DLGAP2: variants seen among roughly 807,000 people sequenced by gnomAD.
The protein encoded by DLGAP2 is disks large-associated protein 2.
In DLGAP2, 26 loss-of-function variants were observed where a neutral mutation model predicts 100.3. The ratio of observed to expected loss-of-function variants is 0.26; its 90% CI spans 0.19 to 0.36. DLGAP2 has a LOEUF of 0.36. Among genes scored for constraint, DLGAP2 ranks in the 10% least tolerant of loss-of-function variants. The pLI is 1.00. For missense variants in DLGAP2, 1,858 were observed against 1,453.2 expected (o/e 1.28, Z -4.53); for synonymous variants, 886 against 630.1 (o/e 1.41, Z -6.08).
chr8:1,424,309 T>G (rs1200956441), intron 3 of DLGAP2, among the ~76,000 whole-genome samples: 1 of 152,204 alleles, frequency 6.6e-6, no homozygotes, highest in Non-Finnish European at 1.5e-5. Context: ...AACAGAGACT[T>G]ATTAAGACGT....
chr8:1,163,198 C>T (rs1371103524), intron 2 of DLGAP2, among the ~76,000 whole-genome samples: 1 of 152,238 alleles, frequency 6.6e-6, no homozygotes, highest in African/African-American at 2.4e-5. Context: ...ACTGACGTGT[C>T]TGTGCCAGTG....
At chr8:1,259,059 G>A (rs940921952) in intron 3 of DLGAP2, among the ~76,000 whole-genome samples, 176 bp downstream of exon 3, 2 of 152,242 alleles carry the variant, frequency 1.3e-5, no homozygotes, top group Non-Finnish European at 2.9e-5. Context: ...CAAGGTGAGC[G>A]TTAGGACTCA....
chr8:825,995 C>G (rs1374374865), intron 1 of DLGAP2, among the ~76,000 whole-genome samples: 1 of 150,022 alleles, frequency 6.7e-6, no homozygotes, highest in East Asian at 2.0e-4. Flanking sequence ...CCTCCACTAC[C>G]CTGGGAACCG....
chr8:1,119,137 G>C (rs545597829), intron 2 of DLGAP2, among the ~76,000 whole-genome samples: 1 of 152,192 alleles, frequency 6.6e-6, no homozygotes, highest in African/African-American at 2.4e-5. Flanking sequence ...CTGATTTGCA[G>C]TTTGGCCCAT....
At chr8:1,318,228 A>G (rs1374822049) in intron 3 of DLGAP2, among the ~76,000 whole-genome samples, 1 of 152,210 alleles carries the variant, frequency 6.6e-6, no homozygotes, top group Non-Finnish European at 1.5e-5. Flanking sequence ...GCAACTCTTG[A>G]AGGGTCCTGT....
chr8:1,681,449 A>T (rs953219079), intron 12 of DLGAP2, among the ~76,000 whole-genome samples: 2 of 152,086 alleles, frequency 1.3e-5, no homozygotes, highest in African/African-American at 4.8e-5. Context: ...CCTGGACAAC[A>T]CAGTGAGACC....
rs559947048 is a variant in DLGAP2 at position 743,779 on chromosome 8, A to G, written c.18+5954A>G. Among the ~76,000 whole-genome samples, 11 of 152,308 alleles carry G rather than the reference A, an allele frequency of 7.2e-5. No individual in the cohort carries two copies. In the South Asian group the frequency reaches 2.3e-3, roughly 32 times the overall value. ...GGGGTTTCACCATGTTGTCCAGACTAGACTCTGACTCCTGGGCTCTAGCCA... is the reference window on the plus strand; with the variant it reads ...GGGGTTTCACCATGTTGTCCAGACTGGACTCTGACTCCTGGGCTCTAGCCA... On this transcript the variant is annotated intron_variant, in intron 1 of 14. Coordinates refer to ENST00000637795, the MANE Select transcript of DLGAP2 (RefSeq NM_001346810.2).
chr8:911,508 GTA>G (rs1333432513), intron 2 of DLGAP2, among the ~76,000 whole-genome samples: 2 of 149,212 alleles, frequency 1.3e-5, no homozygotes, highest in African/African-American at 4.9e-5. Flanking sequence ...GGATGTGTGT[GTA>G]ATATATGTTG....
intron 2 of DLGAP2, among the ~76,000 whole-genome samples, chr8:953,463 AT>A (rs1190087078): frequency 6.6e-6 from 1 of 152,224 alleles, no homozygotes; most frequent in African/African-American, 2.4e-5. Context: ...AAGTGCTGGG[AT>A]TACAGGCGTG....
intron 1 of DLGAP2, among the ~76,000 whole-genome samples, chr8:824,730 A>T (rs1796654387): frequency 6.6e-6 from 1 of 152,062 alleles, no homozygotes; most frequent in Non-Finnish European, 1.5e-5. Flanking sequence ...GATTCAGAGG[A>T]CCCAGGATCC....
At chr8:853,179 C>T (rs1042529118) in intron 1 of DLGAP2, among the ~76,000 whole-genome samples, 3 of 152,168 alleles carry the variant, frequency 2.0e-5, no homozygotes, top group Non-Finnish European at 2.9e-5. Context: ...GGGCTCGGCA[C>T]AGCTGCAGGA....
chr8:958,140 A>T (rs117069579), intron 2 of DLGAP2, among the ~76,000 whole-genome samples: 63 of 152,288 alleles, frequency 4.1e-4, no homozygotes, highest in Non-Finnish European at 6.2e-4. Context: ...TACAATATTT[A>T]TAATGTTGAT....
chr8:1,237,158 C>A (rs1798677422), intron 2 of DLGAP2, among the ~76,000 whole-genome samples: 1 of 134,374 alleles, frequency 7.4e-6, no homozygotes, highest in South Asian at 2.5e-4. Context: ...TCACATGGCG[C>A]CGTGTCTAGT....
At chr8:1,372,031 C>T (rs892853865) in intron 3 of DLGAP2, among the ~76,000 whole-genome samples, 7 of 152,238 alleles carry the variant, frequency 4.6e-5, no homozygotes, top group Admixed American at 1.3e-4. Flanking sequence ...AGCCTGCTGT[C>T]TGTGCAGGTG....
intron 8 of DLGAP2, among the ~76,000 whole-genome samples, chr8:1,640,845 A>G (rs1047073602): frequency 5.3e-5 from 8 of 152,218 alleles, no homozygotes; most frequent in African/African-American, 1.9e-4. Flanking sequence ...ATGAAAACTA[A>G]TCTTTGTGAT....
chr8:1,695,862 A>G (rs530540648), intron 13 of DLGAP2, among the ~76,000 whole-genome samples: 1 of 152,282 alleles, frequency 6.6e-6, no homozygotes, highest in East Asian at 1.9e-4. Flanking sequence ...AGTTATCCCC[A>G]CCCACAGAGG....
At chr8:1,535,907 G>C (rs147734035) in intron 4 of DLGAP2, among the ~76,000 whole-genome samples, 1 of 152,212 alleles carries the variant, frequency 6.6e-6, no homozygotes, top group Non-Finnish European at 1.5e-5. Flanking sequence ...GGTGTTGGTG[G>C]TCAGCCAGCA....
intron 2 of DLGAP2, among the ~76,000 whole-genome samples, chr8:1,165,436 C>G (rs1325140244): frequency 6.6e-6 from 1 of 152,160 alleles, no homozygotes; most frequent in Non-Finnish European, 1.5e-5. Context: ...TGGTTTTTCT[C>G]AAAGTGTGCA....
intron 1 of DLGAP2, 92 bp from the exon 2 acceptor site, chr8:907,820 C>T (rs1584881047): frequency 1.8e-5 from 7 of 396,958 alleles, no homozygotes; most frequent in East Asian, 1.1e-4. Context: ...CATTGAACTA[C>T]CTTATTAGAA....
Sources: gnomAD v4.1 joint callset for allele counts (sites outside exome capture counted in the v4.1 genomes callset) on GRCh38, gnomAD v4.1.1 for gene constraint, MANE v1.5 for transcripts, NCBI Gene and HGNC (gene_info 2026-07-23, HGNC 2026-07-21) for gene names.